Variants in TEX36 observed in about 807,000 individuals in gnomAD.
The protein encoded by TEX36 is testis-expressed protein 36.
Under a neutral mutation model 13.6 loss-of-function variants are expected in TEX36, and 12 were observed. The ratio of observed to expected loss-of-function variants is 0.88; its 90% CI spans 0.56 to 1.43. TEX36 has a LOEUF of 1.43. Ranked by LOEUF, TEX36 falls within the 40% of genes most tolerant of loss-of-function variation. The probability of loss-of-function intolerance (pLI) is 0.00; values close to 1 mark genes in which losing one functional copy is unlikely to be tolerated. For synonymous variants in TEX36, 93 were observed against 83.0 expected (o/e 1.12, Z -0.65); for missense variants, 224 against 228.3 (o/e 0.98, Z 0.12).
chr10:125,623,620 C>T (rs1002766366), intron 3 of TEX36, among the ~76,000 whole-genome samples: 1 of 150,342 alleles, frequency 6.7e-6, no homozygotes, highest in African/African-American at 2.4e-5. Flanking sequence ...CCCTGATCAA[C>T]CAAACCCTGC....
At chr10:125,682,463 A>G (rs1307648903) in intron 1 of TEX36, among the ~76,000 whole-genome samples, 5 of 152,230 alleles carry the variant, frequency 3.3e-5, no homozygotes, top group African/African-American at 1.2e-4. Flanking sequence ...ATTTGTTTAG[A>G]GGTTTCTAGT....
At chr10:125,619,624 C>T (rs568187658), downstream of TEX36, among the ~76,000 whole-genome samples, 20 of 152,272 alleles carry the variant, frequency 1.3e-4, no homozygotes, top group South Asian at 2.5e-3. Context: ...TGTCTTGGCT[C>T]GCTGCAACCT....
chr10:125,640,801 T>C (rs1221317237), intron 3 of TEX36, among the ~76,000 whole-genome samples: 1 of 152,142 alleles, frequency 6.6e-6, no homozygotes, highest in Non-Finnish European at 1.5e-5. Context: ...GACCAAAGAC[T>C]GTGGGTGGCA....
chr10:125,597,372 G>A (rs1012249902), intron 3 of TEX36, among the ~76,000 whole-genome samples: 7 of 152,202 alleles, frequency 4.6e-5, no homozygotes, highest in African/African-American at 1.7e-4. Flanking sequence ...GGCATTTGCA[G>A]CAAGAGAAAG....
At chr10:125,607,228 T>C (rs1846226021) in intron 3 of TEX36, among the ~76,000 whole-genome samples, 1 of 152,244 alleles carries the variant, frequency 6.6e-6, no homozygotes, top group Admixed American at 6.5e-5. Flanking sequence ...GCACACTTCC[T>C]TCCAAAGCAT....
At chr10:125,669,080 C>A (rs1207837718) in intron 1 of TEX36, among the ~76,000 whole-genome samples, 2 of 152,140 alleles carry the variant, frequency 1.3e-5, no homozygotes, top group Admixed American at 6.5e-5. Flanking sequence ...ATCACGAGGT[C>A]AAGAGATCGA....
chr10:125,641,161 C>G (rs1349441218), intron 3 of TEX36, among the ~76,000 whole-genome samples: 1 of 152,310 alleles, frequency 6.6e-6, no homozygotes, highest in East Asian at 1.9e-4. Context: ...GTAGAATTAG[C>G]CATGGCAGGA....
chr10:125,604,797 C>T (rs766946776), intron 3 of TEX36, among the ~76,000 whole-genome samples: 35 of 151,806 alleles, frequency 2.3e-4, no homozygotes, highest in Admixed American at 3.3e-4. Context: ...GGAGACAGAG[C>T]GAGACTCTCT....
In TEX36 at chr10:125,661,958, G is replaced by T. The variant is rs971316028; in HGVS notation, c.71C>A (p.Thr24Lys). 1.8e-5 allele frequency: 28 copies of T among 1,552,224 alleles called. No homozygotes were observed. The highest frequency in any genetic ancestry group is 3.6e-5 in the South Asian group (3 of 84,068). The change falls in exon 2 of 4, where the codon ACG becomes AAG. Residue 24 changes from threonine (T) to lysine (K), a missense_variant. Physicochemically the swap from Thr to Lys is moderately conservative, Grantham distance 78. Transcript: ENST00000368821. ...DGRWFPHIGL[T>K]QKTPESITSA... ...GGTGATGGATTCTGGTGTCTTTTGCGTTAGCCCGATGTGAGGGAACTGGAA... is the reference window on the plus strand; with the variant it reads ...GGTGATGGATTCTGGTGTCTTTTGCTTTAGCCCGATGTGAGGGAACTGGAA...
intron 3 of TEX36, among the ~76,000 whole-genome samples, chr10:125,594,135 G>A (rs1443379135): frequency 6.6e-6 from 1 of 152,102 alleles, no homozygotes; most frequent in Non-Finnish European, 1.5e-5. Context: ...TTATATTTTG[G>A]GGAAGAGGGA....
chr10:125,604,331 C>A (rs1846188543), intron 3 of TEX36, among the ~76,000 whole-genome samples: 1 of 152,174 alleles, frequency 6.6e-6, no homozygotes, highest in South Asian at 2.1e-4. Context: ...CTCATAGGGG[C>A]ACAAACCCTA....
intron 3 of TEX36, among the ~76,000 whole-genome samples, chr10:125,638,101 T>C (rs1248485967): frequency 6.6e-6 from 1 of 151,920 alleles, no homozygotes; most frequent in Non-Finnish European, 1.5e-5. Context: ...AACTGCCTCC[T>C]TCCCCACTCT....
intron 1 of TEX36, among the ~76,000 whole-genome samples, chr10:125,680,000 G>C (rs921341051): frequency 6.6e-6 from 1 of 152,152 alleles, no homozygotes; most frequent in Non-Finnish European, 1.5e-5. Context: ...ACAAAAATCA[G>C]ATTATATCAT....
In TEX36 at chr10:125,661,930, A is replaced by T. The variant is rs191947873; in HGVS notation, c.99T>A (p.Ser33Arg). The T allele has an allele frequency of 1.3e-6, 2 of 1,552,322 alleles. No homozygotes were observed. The highest frequency in any genetic ancestry group is 2.4e-5 in the East Asian group (1 of 40,928). Residue 33 changes from serine to arginine, a missense_variant, in exon 2 of 4, where the codon AGT becomes AGA. Transcript: ENST00000368821. The stretch of plus-strand genomic sequence containing the variant: ...GACTCTGGGGCTCTTTTGACGTAGC[A>T]CTGGTGATGGATTCTGGTGTCTTTT... ...LTQKTPESIT[S>R]ATSKEPQSPH...
intron 3 of TEX36, among the ~76,000 whole-genome samples, chr10:125,603,782 A>T (rs1011135980): frequency 2.7e-5 from 4 of 150,436 alleles, no homozygotes; most frequent in African/African-American, 9.8e-5. Flanking sequence ...TCCCCACCCA[A>T]CTCCTGCAGT....
chr10:125,643,855 T>C (rs1833683295), intron 3 of TEX36, among the ~76,000 whole-genome samples: 1 of 151,964 alleles, frequency 6.6e-6, no homozygotes, highest in Non-Finnish European at 1.5e-5. Flanking sequence ...GAGATTGCAA[T>C]GAGCCCAGAT....
intron 3 of TEX36, among the ~76,000 whole-genome samples, chr10:125,660,400 C>T (rs1020210786): frequency 2.0e-5 from 3 of 152,192 alleles, no homozygotes; most frequent in African/African-American, 7.2e-5. Context: ...GCTGGGATTT[C>T]AGGGCTGAGC....
At chr10:125,581,250 A>G (rs551413207) in intron 3 of TEX36, among the ~76,000 whole-genome samples, 4 of 152,204 alleles carry the variant, frequency 2.6e-5, no homozygotes, top group African/African-American at 9.6e-5. Flanking sequence ...ACGGGAGTTG[A>G]TTGACAAACA....
chr10:125,671,984 T>C (rs933088974), intron 1 of TEX36, among the ~76,000 whole-genome samples: 19 of 152,220 alleles, frequency 1.2e-4, no homozygotes, highest in African/African-American at 4.3e-4. Flanking sequence ...ATATCCCCTT[T>C]ATCATTTTTC....
Sources: gnomAD v4.1 joint callset for allele counts (sites outside exome capture counted in the v4.1 genomes callset) on GRCh38, gnomAD v4.1.1 for gene constraint, MANE v1.5 for transcripts, NCBI Gene and HGNC (gene_info 2026-07-23, HGNC 2026-07-21) for gene names.